The following CCSER1 variants were observed in gnomAD, a reference collection of about 807,000 sequenced individuals.
CCSER1 encodes coiled-coil serine rich protein 1.
CCSER1 carries 41 observed loss-of-function variants against 82.0 expected under a neutral mutation model. That is an observed-to-expected ratio of 0.50 (90% CI 0.39 to 0.65). The LOEUF (loss-of-function observed/expected upper bound fraction) is 0.65, where lower values mean the gene tolerates loss of function less well. Ranked by LOEUF, CCSER1 falls within the 30% of genes least tolerant of loss-of-function variation. The pLI is 0.00. For synonymous variants in CCSER1, 414 were observed against 383.9 expected (o/e 1.08, Z -0.92); for missense variants, 1,119 against 1,064.2 (o/e 1.05, Z -0.72).
chr4:91,343,414 A>T (rs1560600745), intron 10 of CCSER1, among the ~76,000 whole-genome samples: 1 of 152,144 alleles, frequency 6.6e-6, no homozygotes, highest in Non-Finnish European at 1.5e-5. Flanking sequence ...TACATCAGAA[A>T]ATCCTTTGAG....
At chr4:90,838,521 A>T (rs971177491) in intron 8 of CCSER1, among the ~76,000 whole-genome samples, 1 of 151,320 alleles carries the variant, frequency 6.6e-6, no homozygotes, top group East Asian at 1.9e-4. Flanking sequence ...TTTGCATATT[A>T]AAAAAATTGT....
intron 8 of CCSER1, among the ~76,000 whole-genome samples, chr4:90,839,501 G>A (rs1342091780): frequency 6.6e-6 from 1 of 152,192 alleles, no homozygotes; most frequent in African/African-American, 2.4e-5. Context: ...CAGCTTCATT[G>A]TTGCATCGTA....
intron 1 of CCSER1, among the ~76,000 whole-genome samples, chr4:90,216,209 A>T (rs1052988084): frequency 1.3e-5 from 2 of 152,200 alleles, no homozygotes; most frequent in Non-Finnish European, 2.9e-5. Flanking sequence ...GGACCTACTG[A>T]ATCAGAATGC....
chr4:90,725,932 A>T (rs992075277), intron 7 of CCSER1, among the ~76,000 whole-genome samples: 1 of 151,914 alleles, frequency 6.6e-6, no homozygotes, highest in South Asian at 2.1e-4. Flanking sequence ...CCTATTCCCC[A>T]TGAATGTGAC....
chr4:91,403,746 G>T (rs1382802039), intron 10 of CCSER1, among the ~76,000 whole-genome samples: 1 of 152,124 alleles, frequency 6.6e-6, no homozygotes, highest in Non-Finnish European at 1.5e-5. Flanking sequence ...GGAAGAAGCT[G>T]ACTTCATCAT....
chr4:90,407,687 G>A (rs1753938454), intron 4 of CCSER1, among the ~76,000 whole-genome samples: 1 of 152,214 alleles, frequency 6.6e-6, no homozygotes, highest in African/African-American at 2.4e-5. Flanking sequence ...AACAGCTGCA[G>A]TCTACAGCTC....
intron 6 of CCSER1, among the ~76,000 whole-genome samples, chr4:90,648,301 GAAAGAAA>G (rs1728051391): frequency 1.5e-5 from 1 of 67,622 alleles, no homozygotes; most frequent in African/African-American, 4.1e-5. Context: ...AAGAAAGAAA[GAAAGAAA>G]GAAAGAAAGA....
intron 10 of CCSER1, among the ~76,000 whole-genome samples, chr4:91,136,584 G>T (rs1312669934): frequency 6.6e-6 from 1 of 152,074 alleles, no homozygotes; most frequent in Non-Finnish European, 1.5e-5. Flanking sequence ...AACATTGGGA[G>T]AATTCTTTGT....
intron 7 of CCSER1, among the ~76,000 whole-genome samples, chr4:90,734,126 A>T (rs962555218): frequency 5.3e-5 from 8 of 151,466 alleles, no homozygotes; most frequent in African/African-American, 1.9e-4. Context: ...TAATTTAATT[A>T]ATTAATTTAT....
intron 10 of CCSER1, among the ~76,000 whole-genome samples, chr4:91,120,925 C>T (rs537643395): frequency 4.6e-5 from 7 of 151,862 alleles, no homozygotes; most frequent in Non-Finnish European, 8.8e-5. Flanking sequence ...TGAATGAGTA[C>T]TTCAAAAACA....
intron 6 of CCSER1, among the ~76,000 whole-genome samples, chr4:90,703,347 A>C (rs1196652107): frequency 6.6e-6 from 1 of 152,180 alleles, no homozygotes; most frequent in African/African-American, 2.4e-5. Context: ...ACAGTTTGTT[A>C]TAATTTCTGT....
intron 10 of CCSER1, among the ~76,000 whole-genome samples, chr4:91,203,348 T>C (rs1043732087): frequency 3.9e-5 from 6 of 151,982 alleles, no homozygotes; most frequent in African/African-American, 1.4e-4. Context: ...TAGGAAATAT[T>C]ACTGTTTGAA....
chr4:90,877,507 T>C (rs1388237467), intron 8 of CCSER1, among the ~76,000 whole-genome samples: 1 of 152,060 alleles, frequency 6.6e-6, no homozygotes, highest in African/African-American at 2.4e-5. Flanking sequence ...GTATTCCTAT[T>C]TGCCAGTCGA....
At chr4:90,671,875 G>A (rs1386551929) in intron 6 of CCSER1, among the ~76,000 whole-genome samples, 3 of 151,936 alleles carry the variant, frequency 2.0e-5, no homozygotes, top group Non-Finnish European at 4.4e-5. Context: ...TGTATTAGAA[G>A]ACATAAAAAC....
intron 5 of CCSER1, among the ~76,000 whole-genome samples, chr4:90,548,749 T>C (rs11724054): frequency 0.16 from 24,011 of 147,600 alleles, 2,471 homozygotes; most frequent in East Asian, 0.43. Context: ...TATATATATA[T>C]ACACACACAC....
At chr4:91,166,651 CTCTT>C (rs1162756520) in intron 10 of CCSER1, among the ~76,000 whole-genome samples, 1 of 152,128 alleles carries the variant, frequency 6.6e-6, no homozygotes, top group Non-Finnish European at 1.5e-5. Flanking sequence ...ACTTTTTCCT[CTCTT>C]TATTTTGTGG....
At chr4:91,084,734 C>A (rs1005033998) in intron 9 of CCSER1, among the ~76,000 whole-genome samples, 5 of 151,868 alleles carry the variant, frequency 3.3e-5, no homozygotes, top group African/African-American at 9.7e-5. Context: ...CACCTATATA[C>A]AAAAATAAAT....
chr4:90,842,488 G>A (rs1192475534), intron 8 of CCSER1, among the ~76,000 whole-genome samples: 2 of 152,116 alleles, frequency 1.3e-5, no homozygotes, highest in Non-Finnish European at 1.5e-5. Flanking sequence ...GATTATACAG[G>A]AAACTGGTCT....
chr4:90,990,321 T>C (rs1206618544), intron 9 of CCSER1, among the ~76,000 whole-genome samples: 1 of 151,914 alleles, frequency 6.6e-6, no homozygotes, highest in African/African-American at 2.4e-5. Context: ...GGGCAAAATG[T>C]ACCATATAGT....
Sources: allele counts gnomAD v4.1 joint callset (sites outside exome capture counted in the v4.1 genomes callset), GRCh38; gene constraint gnomAD v4.1.1; transcripts MANE v1.5; gene names NCBI Gene and HGNC (gene_info 2026-07-23, HGNC 2026-07-21).